Variants in JAKMIP1 observed in about 807,000 individuals in gnomAD.
JAKMIP1 encodes janus kinase and microtubule-interacting protein 1.
A neutral mutation model predicts 113.0 loss-of-function variants in JAKMIP1; 33 were observed. The observed-to-expected ratio is 0.29, with a 90% CI of 0.22 to 0.39. The LOEUF (loss-of-function observed/expected upper bound fraction) is 0.39. Among genes scored for constraint, JAKMIP1 ranks in the 10% least tolerant of loss-of-function variants. JAKMIP1 has a pLI of 1.00. For missense variants in JAKMIP1, 813 were observed against 1,080.5 expected, an observed-to-expected ratio of 0.75 and a Z score of 3.47; for synonymous variants, 480 against 459.9, an observed-to-expected ratio of 1.04 and a Z score of -0.56.
In JAKMIP1 at chr4:6,179,741, T is replaced by C. The variant is rs528775123; in HGVS notation, c.-148+20512A>G. Reference sequence around the variant, plus strand: ...CCACTCAAAAGAAGAGACTATTCTATGCCAGGTAGTATGCTGGGTACACCT... The same window carrying C: ...CCACTCAAAAGAAGAGACTATTCTACGCCAGGTAGTATGCTGGGTACACCT... On this transcript the variant is annotated intron_variant, in intron 1 of 20. Coordinates refer to ENST00000409021, the MANE Select transcript of JAKMIP1 (RefSeq NM_001099433.2). The surrounding 1 kb of genome is among the most constrained non-coding windows in gnomAD (Gnocchi z 4.5). Among the ~76,000 whole-genome samples, 1 of 152,334 alleles carries C rather than the reference T, an allele frequency of 6.6e-6. No homozygotes were observed. The highest frequency in any genetic ancestry group is 1.9e-4 in the East Asian group (1 of 5,176).
At chr4:6,196,270 G>A (rs1467611246) in intron 1 of JAKMIP1, among the ~76,000 whole-genome samples, 2 of 152,140 alleles carry the variant, frequency 1.3e-5, no homozygotes, top group Admixed American at 6.5e-5. Context: ...CCCTGCAAGC[G>A]CTCCTGCGTC....
rs911770938 is a variant in JAKMIP1 at position 6,065,826 on chromosome 4, C to A, written c.1303-818G>T. ...TATCAATTCATTCACTCAGAAAACACTGGCAAAGCTCCTTCTATGGGCCAG... is the reference window on the plus strand; with the variant it reads ...TATCAATTCATTCACTCAGAAAACAATGGCAAAGCTCCTTCTATGGGCCAG... On this transcript the variant is annotated intron_variant, in intron 8 of 20. Transcript: ENST00000409021. The surrounding 1 kb of genome is among the most constrained non-coding windows in gnomAD (Gnocchi z 5.1). 2.0e-5 allele frequency among the ~76,000 whole-genome samples: 3 copies of A among 152,168 alleles called. No individual in the cohort carries two copies. The highest frequency in any genetic ancestry group is 7.2e-5 in the African/African-American group (3 of 41,450).
chr4:6,187,761 G>C lies in JAKMIP1; in HGVS notation c.-148+12492C>G, dbSNP rs75144500. Among the ~76,000 whole-genome samples, 1 of 152,366 alleles carries C rather than the reference G, an allele frequency of 6.6e-6. No individual in the cohort carries two copies. The highest frequency in any genetic ancestry group is 2.4e-5 in the African/African-American group (1 of 41,592). The stretch of plus-strand genomic sequence containing the variant: ...TGTTATAGCAGCCTGAAAGGACCAA[G>C]ATAGCATATACTTGGATCATATATT... On this transcript the variant is annotated intron_variant, in intron 1 of 20. Transcript: ENST00000409021. The surrounding 1 kb of genome is among the most constrained non-coding windows in gnomAD (Gnocchi z 4.2).
At chr4:6,174,267 G>A (rs1383044254) in intron 1 of JAKMIP1, among the ~76,000 whole-genome samples, 6 of 152,166 alleles carry the variant, frequency 3.9e-5, no homozygotes, top group South Asian at 2.1e-4. Flanking sequence ...CCAGGTCTCC[G>A]TCAGAGGTAT....
intron 1 of JAKMIP1, among the ~76,000 whole-genome samples, chr4:6,146,287 C>T (rs1720839321): frequency 6.6e-6 from 1 of 152,064 alleles, no homozygotes; most frequent in Non-Finnish European, 1.5e-5. Flanking sequence ...TTCAGTTTTG[C>T]TTAATGAAAA....
chr4:6,163,547 A>T (rs569558429), intron 1 of JAKMIP1, among the ~76,000 whole-genome samples: 22 of 152,354 alleles, frequency 1.4e-4, no homozygotes, highest in Admixed American at 1.4e-3. Context: ...AATTAGGCCA[A>T]TTAATAACCC....
chr4:6,082,182 G>A (rs1298438455), intron 5 of JAKMIP1, among the ~76,000 whole-genome samples: 1 of 152,050 alleles, frequency 6.6e-6, no homozygotes, highest in Non-Finnish European at 1.5e-5. Context: ...CAAAGAAAGT[G>A]CCAAGAATGC....
chr4:6,176,592 AG>A lies in JAKMIP1; in HGVS notation c.-148+23660del, dbSNP rs1426596103. Among the ~76,000 whole-genome samples, 1 of 152,206 alleles carries A rather than the reference AG, an allele frequency of 6.6e-6. No individual in the cohort carries two copies. Among genetic ancestry groups the A allele is most frequent in the Non-Finnish European group, 1.5e-5 (1 of 68,040 alleles). ...ATGGGGCAATGGGGTCAGGGAATTA[AG>A]GGCTGGGAGATAACTCCATGTTTAC... is the stretch of plus-strand genomic sequence containing the variant. On this transcript the variant is annotated intron_variant, in intron 1 of 20. Transcript: ENST00000409021. This position sits in a 1 kb window ranked among gnomAD's most constrained non-coding sequence, Gnocchi z 5.5.
intron 1 of JAKMIP1, among the ~76,000 whole-genome samples, chr4:6,117,414 G>C (rs978899146): frequency 2.0e-5 from 3 of 152,070 alleles, no homozygotes; most frequent in African/African-American, 7.2e-5. Context: ...AAAGGGGAGG[G>C]GGTATACGAA....
intron 1 of JAKMIP1, among the ~76,000 whole-genome samples, chr4:6,163,913 C>T (rs2358576): frequency 0.2 from 29,844 of 152,228 alleles, 3,388 homozygotes; most frequent in Non-Finnish European, 0.25. Context: ...TGTGGAGAAG[C>T]TGCAGAATAA....
chr4:6,173,117 C>A (rs1459852851), intron 1 of JAKMIP1, among the ~76,000 whole-genome samples: 4 of 152,168 alleles, frequency 2.6e-5, no homozygotes, highest in Admixed American at 6.5e-5. Flanking sequence ...CCTGCAAGCA[C>A]AGGAAAAAGT....
chr4:6,195,219 G>A (rs1727720002), intron 1 of JAKMIP1, among the ~76,000 whole-genome samples: 1 of 152,166 alleles, frequency 6.6e-6, no homozygotes, highest in Non-Finnish European at 1.5e-5. Context: ...AAATTGTGAT[G>A]CCACTAACAT....
At chr4:6,128,056 C>G (rs898007366) in intron 1 of JAKMIP1, among the ~76,000 whole-genome samples, 7 of 152,300 alleles carry the variant, frequency 4.6e-5, no homozygotes, top group Admixed American at 3.9e-4. Flanking sequence ...TACAAAGATG[C>G]CCTGTAAAGG....
rs537160362 is a variant in JAKMIP1 at position 6,109,195 on chromosome 4, C to T, written c.130-3228G>A. Reference sequence around the variant, plus strand: ...TCCCCCAGGCTGGAGTGCAGTGGCACGATCTTGGCTCACTGCAGGCTCTGC... The same window carrying T: ...TCCCCCAGGCTGGAGTGCAGTGGCATGATCTTGGCTCACTGCAGGCTCTGC... On this transcript the variant is annotated intron_variant, in intron 2 of 20. Coordinates refer to ENST00000409021, the MANE Select transcript of JAKMIP1 (RefSeq NM_001099433.2). Among the ~76,000 whole-genome samples, 50 of 144,626 alleles carry T rather than the reference C, an allele frequency of 3.5e-4. No individual in the cohort carries two copies. The South Asian group carries it at 5.5e-3, about 16-fold the overall frequency. 94.9% of individuals were successfully genotyped at this position (144,626 alleles called of 152,430 possible).
chr4:6,091,279 A>C (rs532660457), intron 3 of JAKMIP1, among the ~76,000 whole-genome samples: 69 of 152,344 alleles, frequency 4.5e-4, no homozygotes, highest in African/African-American at 1.6e-3. Context: ...ACTGAAATGG[A>C]AACGGAGCCT....
At chr4:6,130,129 C>T (rs903016606) in intron 1 of JAKMIP1, among the ~76,000 whole-genome samples, 24 of 152,234 alleles carry the variant, frequency 1.6e-4, no homozygotes, top group Admixed American at 5.9e-4. Flanking sequence ...TCTGCACTTA[C>T]CTGCCCCAGG....
chr4:6,038,540 G>A (rs575908227), intron 18 of JAKMIP1, among the ~76,000 whole-genome samples: 1 of 152,248 alleles, frequency 6.6e-6, no homozygotes, highest in South Asian at 2.1e-4. Context: ...CTCCATCACC[G>A]AGGAAGAGGC....
chr4:6,112,874 G>C lies in JAKMIP1; in HGVS notation c.-24C>G. 6.2e-7 allele frequency: 1 copy of C among 1,611,446 alleles called. No homozygotes were observed. Among genetic ancestry groups the C allele is most frequent in the Non-Finnish European group, 8.5e-7 (1 of 1,179,106 alleles). On this transcript the variant is annotated 5_prime_UTR_variant, in exon 2 of 21. Transcript: ENST00000409021. ...ATGCTTCCCCTTGGGTCAGAGTGCTGAGATCCTGCGGTCCACACCTGTTCA... is the reference window on the plus strand; with the variant it reads ...ATGCTTCCCCTTGGGTCAGAGTGCTCAGATCCTGCGGTCCACACCTGTTCA...
At position 6,061,902 on chromosome 4, in the gene JAKMIP1, G is replaced by A. The variant is rs1717333858; in HGVS notation, c.1560+410C>T. ...GTCACAGGGCCCAGAGTGCCTTGGT[G>A]GCTGGGGAGCACCCTGAGAGTCCCT... On this transcript the variant is annotated intron_variant, in intron 10 of 20. Coordinates refer to ENST00000409021, the MANE Select transcript of JAKMIP1 (RefSeq NM_001099433.2). The surrounding 1 kb of genome is among the most constrained non-coding windows in gnomAD (Gnocchi z 5.3). Among the ~76,000 whole-genome samples, 1 of 152,186 alleles carries A rather than the reference G, an allele frequency of 6.6e-6. No individual in the cohort carries two copies. The highest frequency in any genetic ancestry group is 2.4e-5 in the African/African-American group (1 of 41,440).
Sources: allele counts gnomAD v4.1 joint callset (sites outside exome capture counted in the v4.1 genomes callset), GRCh38; gene constraint gnomAD v4.1.1; non-coding constraint Gnocchi (gnomAD v3.1); transcripts MANE v1.5; gene names NCBI Gene and HGNC (gene_info 2026-07-23, HGNC 2026-07-21).